CDCA7L: variants seen among roughly 807,000 people sequenced by gnomAD.
CDCA7L encodes the protein cell division cycle associated 7 like, also known as cell division cycle-associated 7-like protein.
In CDCA7L, 44 loss-of-function variants were observed where a neutral mutation model predicts 57.4. The observed-to-expected ratio is 0.77, with a 90% CI of 0.60 to 0.98. CDCA7L has a LOEUF of 0.98. Ranked by LOEUF, CDCA7L falls within the 50% of genes least tolerant of loss-of-function variation. CDCA7L has a pLI of 0.00. For synonymous variants in CDCA7L, 236 were observed against 202.8 expected (o/e 1.16, Z -1.39); for missense variants, 644 against 580.6 (o/e 1.11, Z -1.12).
At chr7:21,940,035 C>G (rs1786292067) in intron 1 of CDCA7L, among the ~76,000 whole-genome samples, 1 of 149,854 alleles carries the variant, frequency 6.7e-6, no homozygotes, top group Admixed American at 6.6e-5. Flanking sequence ...GCCCAAGGCT[C>G]TATTCCACAC....
intron 2 of CDCA7L, 53 bp downstream of exon 2, chr7:21,916,700 AC>A (rs1785492626): frequency 6.4e-7 from 1 of 1,564,492 alleles, no homozygotes; most frequent in Non-Finnish European, 8.8e-7. Flanking sequence ...GAACATCCAA[AC>A]CAAGATTCAG....
At chr7:21,936,225 G>GGA (rs1786158617) in intron 1 of CDCA7L, among the ~76,000 whole-genome samples, 1 of 152,092 alleles carries the variant, frequency 6.6e-6, no homozygotes, top group African/African-American at 2.4e-5. Context: ...GGACAAGATG[G>GGA]CTTCATGGGT....
intron 1 of CDCA7L, among the ~76,000 whole-genome samples, chr7:21,941,652 A>G (rs1379746778): frequency 6.6e-6 from 1 of 152,186 alleles, no homozygotes; most frequent in Non-Finnish European, 1.5e-5. Context: ...CCTTCTAGTT[A>G]AAGGGAGGAG....
Position 21,900,992 on chromosome 7 carries a change from G to GTGTT in CDCA7L, c.*1326_*1329dup. ...AAGCTGCCACACAATTGCAACCGCTGTGTTTTTGCCATAGGCGCCCGCTGG... is the reference window on the plus strand; with the variant it reads ...AAGCTGCCACACAATTGCAACCGCTGTGTTTGTTTTTGCCATAGGCGCCCGCTGG... On this transcript the variant is annotated 3_prime_UTR_variant, in exon 10 of 10. Transcript: ENST00000406877. 6.4e-7 allele frequency: 1 copy of GTGTT among 1,565,564 alleles called. No homozygotes were observed. The highest frequency in any genetic ancestry group is 8.6e-7 in the Non-Finnish European group (1 of 1,156,394).
At chr7:21,911,191 G>A (rs562154425) in intron 3 of CDCA7L, among the ~76,000 whole-genome samples, 51 of 151,564 alleles carry the variant, frequency 3.4e-4, no homozygotes, top group Admixed American at 9.9e-4. Context: ...CACCACGCCC[G>A]GCTAATTTTT....
At chr7:21,910,419 C>A (rs1785279616) in intron 3 of CDCA7L, among the ~76,000 whole-genome samples, 1 of 152,144 alleles carries the variant, frequency 6.6e-6, no homozygotes, top group Non-Finnish European at 1.5e-5. Context: ...GCCTACCATG[C>A]GGGCTTTTAT....
chr7:21,902,245 CTTT>C lies in CDCA7L; in HGVS notation c.*74_*76del, dbSNP rs1243899946. 7 of 39,372 alleles carry C rather than the reference CTTT, an allele frequency of 1.8e-4. No homozygotes were observed. The highest frequency in any genetic ancestry group is 5.4e-4 in the Non-Finnish European group (6 of 11,114). 2.4% of individuals were successfully genotyped at this position (39,372 alleles called of 1,614,324 possible). ...TATAAAAACACAACTGTAAAAAAAT[CTTT>C]CTTAGGCACCAATGGTATGCATGTC... On this transcript the variant is annotated 3_prime_UTR_variant, in exon 10 of 10. Coordinates refer to ENST00000406877, the MANE Select transcript of CDCA7L (RefSeq NM_018719.5).
intron 7 of CDCA7L, among the ~76,000 whole-genome samples, chr7:21,905,055 TCCAGAAAA>T: frequency 6.6e-6 from 1 of 152,144 alleles, no homozygotes; most frequent in Non-Finnish European, 1.5e-5. Context: ...CCGTTACATA[TCCAGAAAA>T]ACACAAAAAA....
At chr7:21,906,530 A>G (rs771925441) in intron 5 of CDCA7L, 38 bp downstream of exon 5, 17 of 1,612,762 alleles carry the variant, frequency 1.1e-5, no homozygotes, top group East Asian at 4.5e-5. Flanking sequence ...TGATCACCAT[A>G]TATCAGTATT....
At chr7:21,902,729 T>A (rs1489172849) in intron 9 of CDCA7L, 8 of 507,358 alleles carry the variant, frequency 1.6e-5, no homozygotes, top group Non-Finnish European at 2.8e-5. Flanking sequence ...GTCATACACC[T>A]CAAGGAGAAA....
chr7:21,927,524 C>T (rs964434009), intron 1 of CDCA7L, among the ~76,000 whole-genome samples: 3 of 151,980 alleles, frequency 2.0e-5, no homozygotes, highest in Non-Finnish European at 4.4e-5. Flanking sequence ...TGAAAACAGC[C>T]TAAACTACTT....
chr7:21,937,182 T>G (rs1183869926), intron 1 of CDCA7L, among the ~76,000 whole-genome samples: 1 of 152,152 alleles, frequency 6.6e-6, no homozygotes, highest in Non-Finnish European at 1.5e-5. Flanking sequence ...TGTTCATGGA[T>G]TGGAAGGCTT....
intron 6 of CDCA7L, 194 bp from the exon 7 acceptor site, chr7:21,905,825 A>G (rs951306717): frequency 4.9e-5 from 29 of 593,138 alleles, no homozygotes; most frequent in African/African-American, 4.8e-4. Context: ...AAGGCGATAC[A>G]ATCATAAAGG....
intron 5 of CDCA7L, 32 bp from the exon 6 acceptor site, chr7:21,906,488 G>C: frequency 1.2e-6 from 2 of 1,611,018 alleles, no homozygotes; most frequent in African/African-American, 1.3e-5. Context: ...GAGACAACTG[G>C]GGACTCTCTC....
intron 1 of CDCA7L, among the ~76,000 whole-genome samples, chr7:21,937,066 A>C (rs955414093): frequency 1.3e-5 from 2 of 152,202 alleles, no homozygotes; most frequent in African/African-American, 2.4e-5. Context: ...CAGAATAATA[A>C]AGTACTTAGA....
intron 8 of CDCA7L, 148 bp downstream of exon 8, chr7:21,903,962 A>C (rs1785041001): frequency 1.5e-6 from 1 of 662,742 alleles, no homozygotes; most frequent in Non-Finnish European, 2.3e-6. Flanking sequence ...CCTATTTTTC[A>C]TTTTCCCTGG....
chr7:21,916,451 G>A (rs535535755), intron 2 of CDCA7L, among the ~76,000 whole-genome samples: 34 of 145,240 alleles, frequency 2.3e-4, no homozygotes, highest in African/African-American at 8.7e-4. Flanking sequence ...ACACAGCCTC[G>A]CCACAGGTTA....
chr7:21,911,513 A>T, intron 3 of CDCA7L, 104 bp downstream of exon 3: 2 of 1,378,958 alleles, frequency 1.5e-6, no homozygotes, highest in Non-Finnish European at 9.7e-7. Flanking sequence ...TAAATATGTA[A>T]GAAAAATCTT....
chr7:21,905,932 C>A (rs1378840503), intron 6 of CDCA7L, among the ~76,000 whole-genome samples: 1 of 152,228 alleles, frequency 6.6e-6, no homozygotes, highest in Non-Finnish European at 1.5e-5. Flanking sequence ...GTTGCTCCCT[C>A]CAAACTGAAA....
Sources: gnomAD v4.1 joint callset for allele counts (sites outside exome capture counted in the v4.1 genomes callset) on GRCh38, gnomAD v4.1.1 for gene constraint, MANE v1.5 for transcripts, NCBI Gene and HGNC (gene_info 2026-07-23, HGNC 2026-07-21) for gene names.